KALRN: variants seen among roughly 807,000 people sequenced by gnomAD.
KALRN encodes the protein kalirin.
Under a neutral mutation model 353.7 loss-of-function variants are expected in KALRN, and 70 were observed. The observed-to-expected ratio is 0.20, with a 90% CI of 0.16 to 0.24. The LOEUF (loss-of-function observed/expected upper bound fraction) is 0.24. Among genes scored for constraint, KALRN ranks in the 10% least tolerant of loss-of-function variants. The probability of loss-of-function intolerance (pLI) is 1.00; values close to 1 mark genes in which losing one functional copy is unlikely to be tolerated. For synonymous variants in KALRN, 1,391 were observed against 1,434.8 expected, an observed-to-expected ratio of 0.97 and a Z score of 0.69; for missense variants, 2,791 against 3,756.7, an observed-to-expected ratio of 0.74 and a Z score of 6.72.
At chr3:124,488,075 ACTTT>A (rs2062751871) in intron 28 of KALRN, 125 bp from the exon 29 acceptor site, 1 of 580,244 alleles carries the variant, frequency 1.7e-6, no homozygotes, top group African/African-American at 1.9e-5. Flanking sequence ...ACCCCACCTC[ACTTT>A]CTTTATAGCT....
intron 34 of KALRN, among the ~76,000 whole-genome samples, chr3:124,586,648 G>A (rs1204868364): frequency 6.6e-6 from 1 of 152,160 alleles, no homozygotes; most frequent in Admixed American, 6.5e-5. Flanking sequence ...CGTAGGAGCG[G>A]GAGCTGAAAA....
chr3:124,373,406 A>G (rs964678231), intron 10 of KALRN, among the ~76,000 whole-genome samples: 4 of 152,206 alleles, frequency 2.6e-5, no homozygotes, highest in Non-Finnish European at 5.9e-5. Context: ...TAAGCATTCT[A>G]CAGTGCACAG....
At chr3:124,476,127 A>G (rs1050094064) in intron 26 of KALRN, among the ~76,000 whole-genome samples, 2 of 152,066 alleles carry the variant, frequency 1.3e-5, no homozygotes, top group Non-Finnish European at 2.9e-5. Flanking sequence ...TCTTTTGCCA[A>G]GAATTATCCC....
intron 37 of KALRN, among the ~76,000 whole-genome samples, chr3:124,641,296 G>A (rs757799375): frequency 9.2e-5 from 14 of 152,038 alleles, no homozygotes; most frequent in South Asian, 2.1e-4. Flanking sequence ...TCTTTAATTC[G>A]TGCTTTTGTT....
At chr3:124,050,598 G>T (rs1459277813) in intron 1 of KALRN, among the ~76,000 whole-genome samples, 1 of 152,148 alleles carries the variant, frequency 6.6e-6, no homozygotes, top group Admixed American at 6.5e-5. Flanking sequence ...GCCTTAAGGT[G>T]GGAGTATATA....
chr3:124,726,306 A>G lies in KALRN; in HGVS notation c.*6836A>G, dbSNP rs186552216. ...TCACATGTTATGCATTCCTATAAAT[A>G]TACTATACTAAAGATACTATATGGT... On this transcript the variant is annotated 3_prime_UTR_variant, in exon 60 of 60. Transcript: ENST00000682506. The G allele has an allele frequency of 6.6e-6, 1 of 152,340 alleles. No homozygotes were observed. Among genetic ancestry groups the G allele is most frequent in the East Asian group, 1.9e-4 (1 of 5,190 alleles). 9.4% of individuals were successfully genotyped at this position (152,340 alleles called of 1,614,324 possible). A position where few individuals can be genotyped will look rare whatever the true frequency, so the allele number is the denominator to read the frequency against.
chr3:124,627,579 A>G (rs2080101935), intron 34 of KALRN, among the ~76,000 whole-genome samples: 1 of 152,206 alleles, frequency 6.6e-6, no homozygotes. Flanking sequence ...TTCTGCTGAC[A>G]CGACATGTGC....
chr3:124,135,954 A>T (rs2149736758), intron 1 of KALRN, among the ~76,000 whole-genome samples: 1 of 152,320 alleles, frequency 6.6e-6, no homozygotes, highest in African/African-American at 2.4e-5. Flanking sequence ...TCTACAGATG[A>T]GAAAATGGAG....
intron 1 of KALRN, among the ~76,000 whole-genome samples, chr3:124,058,537 A>G (rs899192865): frequency 4.6e-5 from 7 of 152,200 alleles, no homozygotes; most frequent in African/African-American, 1.7e-4. Context: ...CTCTCCTCCA[A>G]TTACCTTTTT....
chr3:124,506,275 TTTCA>T (rs2065215186), intron 33 of KALRN, among the ~76,000 whole-genome samples: 1 of 152,130 alleles, frequency 6.6e-6, no homozygotes, highest in African/African-American at 2.4e-5. Flanking sequence ...CCACTCCTAT[TTTCA>T]ACCAGACACT....
At chr3:124,680,502 G>T (rs901796512) in intron 51 of KALRN, among the ~76,000 whole-genome samples, 2 of 152,228 alleles carry the variant, frequency 1.3e-5, no homozygotes, top group African/African-American at 4.8e-5. Flanking sequence ...CAAGTTTAGA[G>T]ATTTCTTCTA....
intron 34 of KALRN, among the ~76,000 whole-genome samples, chr3:124,595,103 C>T (rs2076155940): frequency 1.3e-5 from 2 of 151,424 alleles, no homozygotes; most frequent in African/African-American, 4.9e-5. Context: ...TTTGAAAATA[C>T]AGATAAGTGA....
At chr3:124,669,509 A>C (rs1250595566) in intron 47 of KALRN, among the ~76,000 whole-genome samples, 3 of 152,246 alleles carry the variant, frequency 2.0e-5, no homozygotes, top group East Asian at 1.9e-4. Flanking sequence ...TAACCAGGTA[A>C]TATCACAATT....
intron 34 of KALRN, among the ~76,000 whole-genome samples, chr3:124,569,703 T>C (rs991603138): frequency 3.0e-4 from 46 of 152,356 alleles, no homozygotes; most frequent in Middle Eastern, 3.4e-3. Flanking sequence ...CTTTAGTTTA[T>C]TCTCCCATCT....
chr3:124,224,229 A>T (rs1257680944), intron 1 of KALRN, among the ~76,000 whole-genome samples: 1 of 138,538 alleles, frequency 7.2e-6, no homozygotes, highest in Non-Finnish European at 1.6e-5. Flanking sequence ...GCCTTCCAGG[A>T]TTTTTTTTTT....
chr3:124,705,777 T>C (rs960197885), intron 57 of KALRN, among the ~76,000 whole-genome samples: 2 of 152,118 alleles, frequency 1.3e-5, no homozygotes, highest in African/African-American at 4.8e-5. Context: ...ATTGTCTTTC[T>C]TCATCCAAGA....
intron 10 of KALRN, among the ~76,000 whole-genome samples, chr3:124,355,590 A>G (rs2083295081): frequency 6.6e-6 from 1 of 151,746 alleles, no homozygotes; most frequent in African/African-American, 2.4e-5. Context: ...TTGCATTTTT[A>G]TGAGCTGTCC....
In KALRN at chr3:124,446,228, G is replaced by A. The variant is rs1272034693; in HGVS notation, c.3381G>A (p.Arg1127=). The change falls in exon 20 of 60, where the codon CGG becomes CGA. Residue 1127 remains arginine, a synonymous_variant. Transcript: ENST00000682506. ...VLHFWTLKKR[R]LDQCQQYVVF... ...ATTTCTGGACCTTGAAGAAGCGGCG[G>A]TTAGACCAATGCCAGCAATATGTGG... 1.2e-6 allele frequency: 2 copies of A among 1,614,024 alleles called. No homozygotes were observed. The highest frequency in any genetic ancestry group is 2.2e-5 in the East Asian group (1 of 44,898).
chr3:124,189,191 A>G (rs1247773472), intron 1 of KALRN, among the ~76,000 whole-genome samples: 1 of 152,192 alleles, frequency 6.6e-6, no homozygotes, highest in African/African-American at 2.4e-5. Flanking sequence ...CTGTCTCCCA[A>G]CATTTAACAT....
Sources: gnomAD v4.1 joint callset for allele counts (sites outside exome capture counted in the v4.1 genomes callset) on GRCh38, gnomAD v4.1.1 for gene constraint, MANE v1.5 for transcripts, NCBI Gene and HGNC (gene_info 2026-07-23, HGNC 2026-07-21) for gene names.